The following MAPKBP1 variants were observed in gnomAD, a reference collection of about 807,000 sequenced individuals.
The protein encoded by MAPKBP1 is mitogen-activated protein kinase binding protein 1, also known as mitogen-activated protein kinase-binding protein 1.
Under a neutral mutation model 170.5 loss-of-function variants are expected in MAPKBP1, and 71 were observed. The observed-to-expected ratio is 0.42, with a 90% CI of 0.34 to 0.51. MAPKBP1 has a LOEUF of 0.51. MAPKBP1 is among the 20% of genes least tolerant of loss of function. The pLI is 0.06. For missense variants in MAPKBP1, 1,598 were observed against 1,933.0 expected (o/e 0.83, Z 3.25); for synonymous variants, 719 against 757.9 (o/e 0.95, Z 0.84).
intron 2 of MAPKBP1, among the ~76,000 whole-genome samples, chr15:41,799,136 C>T (rs1027672094): frequency 7.2e-5 from 11 of 152,124 alleles, no homozygotes; most frequent in Admixed American, 2.0e-4. Flanking sequence ...GCCGTGTCCT[C>T]TCTGAATCTC....
chr15:41,821,817 G>A (rs1338819332), intron 24 of MAPKBP1, 67 bp downstream of exon 24: 23 of 1,554,036 alleles, frequency 1.5e-5, no homozygotes, highest in East Asian at 2.3e-5. Context: ...TTCTTTAGTC[G>A]AGGGAGGGTT....
chr15:41,811,025 TG>T, intron 4 of MAPKBP1, 80 bp downstream of exon 4: 1 of 1,575,492 alleles, frequency 6.3e-7, no homozygotes, highest in Non-Finnish European at 8.7e-7. Flanking sequence ...TCTATGGCTC[TG>T]GGGGCTGGGA....
chr15:41,775,345 C>A lies in MAPKBP1; in HGVS notation c.70C>A (p.Arg24Ser), dbSNP rs751971556. 2 of 1,614,028 alleles carry A rather than the reference C, an allele frequency of 1.2e-6. No homozygotes were observed. Among genetic ancestry groups the A allele is most frequent in the East Asian group, 4.5e-5 (2 of 44,894 alleles). Residue 24 changes from arginine (R) to serine (S), a missense_variant, in exon 2 of 31, where the codon CGC becomes AGC. Transcript: ENST00000457542. ...NLLRSPSIKL[R>S]RSKAGNRRED... The stretch of plus-strand genomic sequence containing the variant: ...GTTGAGATCTCCATCCATCAAACTG[C>A]GCAGGAGTAAGGCAGGAAACCGACG...
intron 9 of MAPKBP1, 129 bp downstream of exon 9, chr15:41,813,910 C>A (rs953428436): frequency 4.4e-6 from 5 of 1,137,928 alleles, no homozygotes; most frequent in Non-Finnish European, 4.8e-6. Flanking sequence ...CCTCTTTAGA[C>A]AGAAGAATTT....
In MAPKBP1 at chr15:41,816,651, G is replaced by C. The variant is rs1283736418; in HGVS notation, c.1585+1G>C. ...CTGGAGTATTCTAAGCCAGACACAGGTTAGGAGAATGCCCGGAATGGCACA... is the reference window on the plus strand; with the variant it reads ...CTGGAGTATTCTAAGCCAGACACAGCTTAGGAGAATGCCCGGAATGGCACA... On this transcript the variant is annotated splice_donor_variant, in intron 13 of 30. Transcript: ENST00000457542. LOFTEE classifies it high-confidence loss of function. 6.2e-7 allele frequency: 1 copy of C among 1,613,454 alleles called. No individual in the cohort carries two copies. The highest frequency in any genetic ancestry group is 8.5e-7 in the Non-Finnish European group (1 of 1,179,782).
At chr15:41,786,106 G>A (rs919720419) in intron 2 of MAPKBP1, among the ~76,000 whole-genome samples, 2 of 151,828 alleles carry the variant, frequency 1.3e-5, no homozygotes, top group African/African-American at 2.4e-5. Flanking sequence ...CTTGAATGGG[G>A]GAAAAAAGCA....
chr15:41,812,571 T>G lies in MAPKBP1; in HGVS notation c.554T>G (p.Phe185Cys). 2 of 1,614,150 alleles carry G rather than the reference T, an allele frequency of 1.2e-6. No homozygotes were observed. Among genetic ancestry groups the G allele is most frequent in the Non-Finnish European group, 1.7e-6 (2 of 1,180,030 alleles). ...KVSSRVTAVSFSEDCSYFVTA... is the reference protein window; with the variant it reads ...KVSSRVTAVSCSEDCSYFVTA... ...TCCAGTCGGGTGACAGCAGTGTCCT[T>G]CTCTGAGGATTGCAGCTACTTTGTC... Residue 185 changes from phenylalanine (F) to cysteine (C), a missense_variant, in exon 7 of 31, where the codon TTC becomes TGC. Transcript: ENST00000457542.
At chr15:41,812,207 A>C in intron 6 of MAPKBP1, 80 bp downstream of exon 6, 1 of 1,542,342 alleles carries the variant, frequency 6.5e-7, no homozygotes, top group Non-Finnish European at 8.9e-7. Context: ...GCTGACCTGC[A>C]CTGCTCCATT....
intron 2 of MAPKBP1, among the ~76,000 whole-genome samples, chr15:41,793,368 T>C (rs2064430204): frequency 6.6e-6 from 1 of 152,262 alleles, no homozygotes; most frequent in African/African-American, 2.4e-5. Context: ...GTGCCTGTAG[T>C]ACCAGCTACT....
chr15:41,819,153 C>T lies in MAPKBP1; in HGVS notation c.2292-93C>T, dbSNP rs960528924. The T allele has an allele frequency of 5.3e-6, 8 of 1,507,500 alleles. No homozygotes were observed. The African/African-American group carries it at 1.1e-4, about 21-fold the overall frequency. 93.4% of individuals were successfully genotyped at this position (1,507,500 alleles called of 1,614,324 possible). ...TCCCCCTATTGAGTCTCATCTTCCC[C>T]TCATTGAGTCTCCTCTTCCTTCTTC... On this transcript the variant is annotated intron_variant, in intron 20 of 30. Coordinates refer to ENST00000457542, the MANE Select transcript of MAPKBP1 (RefSeq NM_014994.3).
chr15:41,789,195 G>A (rs1478957029), intron 2 of MAPKBP1, among the ~76,000 whole-genome samples: 1 of 152,064 alleles, frequency 6.6e-6, no homozygotes, highest in Non-Finnish European at 1.5e-5. Context: ...GGTGTGTAGA[G>A]GAATTAGATC....
At position 41,815,944 on chromosome 15, in the gene MAPKBP1, A is replaced by T; in HGVS notation, c.1493+145A>T. ...AAGATAATAACTTCACAATGAGTAA[A>T]CCTAGCAGAAATCATCTTCACCAAG... On this transcript the variant is annotated intron_variant, in intron 12 of 30. Coordinates refer to ENST00000457542, the MANE Select transcript of MAPKBP1 (RefSeq NM_014994.3). 3.8e-6 allele frequency: 3 copies of T among 791,816 alleles called. No homozygotes were observed. In the South Asian group the frequency reaches 5.9e-5, roughly 16 times the overall value. The allele number at this position is 791,816 out of a possible 1,614,324, so 49.0% of individuals were successfully genotyped here. A position where few individuals can be genotyped will look rare whatever the true frequency, so the allele number is the denominator to read the frequency against.
At position 41,775,183 on chromosome 15, in the gene MAPKBP1, A is replaced by T. The variant is rs747509179; in HGVS notation, c.-93A>T. On this transcript the variant is annotated 5_prime_UTR_variant, in exon 2 of 31. Coordinates refer to ENST00000457542, the MANE Select transcript of MAPKBP1 (RefSeq NM_014994.3). ...CCATCTCAGGTCAGTGAGAGGGCAT[A>T]CTGGGAAGCCCTCTGGAGTGGGAAG... 9 of 933,328 alleles carry T rather than the reference A, an allele frequency of 9.6e-6. No individual in the cohort carries two copies. Among genetic ancestry groups the T allele is most frequent in the Admixed American group, 2.1e-5 (1 of 48,238 alleles). The allele number at this position is 933,328 out of a possible 1,614,324, so 57.8% of individuals were successfully genotyped here. A position where few individuals can be genotyped will look rare whatever the true frequency, so the allele number is the denominator to read the frequency against.
chr15:41,777,593 ATGAC>A (rs1386508316), intron 2 of MAPKBP1, among the ~76,000 whole-genome samples: 1 of 152,158 alleles, frequency 6.6e-6, no homozygotes, highest in Non-Finnish European at 1.5e-5. Context: ...TGGCAGCAAA[ATGAC>A]TGGTGCATAT....
At chr15:41,815,487 G>A (rs893814353) in intron 11 of MAPKBP1, 82 bp downstream of exon 11, 2 of 1,577,318 alleles carry the variant, frequency 1.3e-6, no homozygotes, top group African/African-American at 2.7e-5. Context: ...CTGGGAACTG[G>A]TCCCTAGGCC....
chr15:41,819,186 G>T, intron 20 of MAPKBP1, 60 bp from the exon 21 acceptor site: 1 of 1,586,000 alleles, frequency 6.3e-7, no homozygotes, highest in South Asian at 1.1e-5. Flanking sequence ...TTCCCCCACT[G>T]AGCCTCCTCT....
Position 41,811,999 on chromosome 15 carries a change from C to T in MAPKBP1, c.370C>T (p.His124Tyr), listed in dbSNP as rs565934637. Residue 124 changes from histidine (H) to tyrosine (Y), a missense_variant, in exon 6 of 31, where the codon CAC (histidine) becomes TAC (tyrosine). This residue lies in a region of MAPKBP1 where 151 missense variants were observed against 191.4 expected (regional missense o/e 0.79). Coordinates refer to ENST00000457542, the MANE Select transcript of MAPKBP1 (RefSeq NM_014994.3). ...PAVRVWDVAE[H>Y]SQVAELQEHK... ...CGTGCGGGTTTGGGACGTGGCAGAG[C>T]ACAGCCAGGTGGCCGAGCTGCAGGA... 1 of 1,614,128 alleles carries T rather than the reference C, an allele frequency of 6.2e-7. No homozygotes were observed. The highest frequency in any genetic ancestry group is 1.1e-5 in the South Asian group (1 of 91,080).
At chr15:41,798,249 CA>C (rs1241108889) in intron 2 of MAPKBP1, among the ~76,000 whole-genome samples, 24,425 of 57,266 alleles carry the variant, frequency 0.43, 2,690 homozygotes, top group Non-Finnish European at 0.46. Flanking sequence ...GACTCTGTCT[CA>C]AAAAAAAAAA....
chr15:41,779,228 C>T lies in MAPKBP1; in HGVS notation c.114+3839C>T, dbSNP rs117133341. ...ATTGGGGAAACATACTCATTTTTTT[C>T]GAGACGGAGTCTTGCTCTGTTGCCC... On this transcript the variant is annotated intron_variant, in intron 2 of 30. Coordinates refer to ENST00000457542, the MANE Select transcript of MAPKBP1 (RefSeq NM_014994.3). 4.4e-4 allele frequency among the ~76,000 whole-genome samples: 67 copies of T among 152,064 alleles called. No individual in the cohort carries two copies. In the East Asian group the frequency reaches 0.013, roughly 29 times the overall value.
Sources: gnomAD v4.1 joint callset for allele counts (sites outside exome capture counted in the v4.1 genomes callset) on GRCh38, gnomAD v4.1.1 for gene constraint, gnomAD v4.1.1 regional missense constraint, MANE v1.5 for transcripts, NCBI Gene and HGNC (gene_info 2026-07-23, HGNC 2026-07-21) for gene names.